SLC9A1: variants seen among roughly 807,000 people sequenced by gnomAD.
SLC9A1 encodes sodium/hydrogen exchanger 1.
SLC9A1 carries 22 observed loss-of-function variants against 67.9 expected under a neutral mutation model. That is an observed-to-expected ratio of 0.32 (90% CI 0.23 to 0.46). SLC9A1 has a LOEUF of 0.46. SLC9A1 is among the 20% of genes least tolerant of loss of function. The probability of loss-of-function intolerance (pLI) is 1.00; values close to 1 mark genes in which losing one functional copy is unlikely to be tolerated. For synonymous variants in SLC9A1, 421 were observed against 471.8 expected, an observed-to-expected ratio of 0.89 and a Z score of 1.40; for missense variants, 686 against 1,094.8, an observed-to-expected ratio of 0.63 and a Z score of 5.27.
At chr1:27,147,446 G>A (rs1361838342) in intron 1 of SLC9A1, among the ~76,000 whole-genome samples, 1 of 151,558 alleles carries the variant, frequency 6.6e-6, no homozygotes, top group African/African-American at 2.4e-5. Context: ...AGCCGAGATC[G>A]CCTCACTGCA....
chr1:27,103,440 C>T (rs2083161997), intron 5 of SLC9A1, 128 bp from the exon 6 acceptor site: 3 of 737,184 alleles, frequency 4.1e-6, no homozygotes, highest in Non-Finnish European at 2.5e-6. Flanking sequence ...TCCCAGGACC[C>T]AAGGGTGTGA....
intron 1 of SLC9A1, among the ~76,000 whole-genome samples, chr1:27,131,200 C>T (rs1209573850): frequency 6.6e-6 from 1 of 152,202 alleles, no homozygotes; most frequent in Non-Finnish European, 1.5e-5. Context: ...AGAATTCAGG[C>T]AAGAGCCGTG....
Position 27,121,545 on chromosome 1 carries a change from G to T in SLC9A1, c.353-7259C>A, listed in dbSNP as rs530638830. 2.6e-4 allele frequency among the ~76,000 whole-genome samples: 39 copies of T among 152,216 alleles called. 1 individual carries two copies. Among genetic ancestry groups the T allele is most frequent in the Non-Finnish European group, 4.4e-4 (30 of 68,040 alleles). ...CTGGGGGGCCTGGGCGGCCCCTGGAGTAATAAGCAGCGATTGAGCCAGCAG... is the reference window on the plus strand; with the variant it reads ...CTGGGGGGCCTGGGCGGCCCCTGGATTAATAAGCAGCGATTGAGCCAGCAG... On this transcript the variant is annotated intron_variant, in intron 1 of 11. Coordinates refer to ENST00000263980, the MANE Select transcript of SLC9A1 (RefSeq NM_003047.5).
intron 1 of SLC9A1, among the ~76,000 whole-genome samples, chr1:27,119,975 G>A (rs1287556381): frequency 6.6e-6 from 1 of 151,960 alleles, no homozygotes; most frequent in Admixed American, 6.6e-5. Flanking sequence ...TCTCCAGGAA[G>A]CTCTCCTAAG....
chr1:27,102,821 C>CT, intron 6 of SLC9A1, 78 bp from the exon 7 acceptor site: 1 of 1,266,416 alleles, frequency 7.9e-7, no homozygotes, highest in South Asian at 1.2e-5. Flanking sequence ...GCCCCACTCC[C>CT]TCCCGTAGCT....
intron 1 of SLC9A1, among the ~76,000 whole-genome samples, chr1:27,121,688 C>T (rs1248115426): frequency 6.6e-6 from 1 of 152,148 alleles, no homozygotes; most frequent in Non-Finnish European, 1.5e-5. Flanking sequence ...TGCATAGCCT[C>T]TCCCTCTCTC....
chr1:27,102,891 T>C (rs1008568540), intron 6 of SLC9A1, 148 bp from the exon 7 acceptor site: 10 of 708,752 alleles, frequency 1.4e-5, no homozygotes, highest in Non-Finnish European at 2.4e-5. Flanking sequence ...GCGCCCACAC[T>C]CCACTCATCG....
Position 27,101,113 on chromosome 1 carries a change from CAGTGGCTG to C in SLC9A1, c.2110+82_2110+89del. The C allele has an allele frequency of 1.0e-6, 1 of 989,516 alleles. No individual in the cohort carries two copies. The highest frequency in any genetic ancestry group is 1.5e-6 in the Non-Finnish European group (1 of 648,128). The allele number at this position is 989,516 out of a possible 1,614,324, so 61.3% of individuals were successfully genotyped here. A position where few individuals can be genotyped will look rare whatever the true frequency, so the allele number is the denominator to read the frequency against. ...TCAGCGAGGGCCAGGCCTGTCCTCCCAGTGGCTGAGGACTGTTCCTGTGGAGCCCCATC... is the reference window on the plus strand; with the variant it reads ...TCAGCGAGGGCCAGGCCTGTCCTCCCAGGACTGTTCCTGTGGAGCCCCATC... On this transcript the variant is annotated intron_variant, in intron 11 of 11. Coordinates refer to ENST00000263980, the MANE Select transcript of SLC9A1 (RefSeq NM_003047.5). This position sits in a 1 kb window ranked among gnomAD's most constrained non-coding sequence, Gnocchi z 4.9.
rs1553176402 is a variant in SLC9A1 at position 27,118,948 on chromosome 1, C to CT, written c.353-4663dup. On this transcript the variant is annotated intron_variant, in intron 1 of 11. Transcript: ENST00000263980. This position sits in a 1 kb window ranked among gnomAD's most constrained non-coding sequence, Gnocchi z 4.3. ...CAAGCACAGCCACAGGCCAAACCCT[C>CT]TGACACAGTTCAGAGTTGGCGCTCC... is the stretch of plus-strand genomic sequence containing the variant. Among the ~76,000 whole-genome samples, 3 of 152,032 alleles carry CT rather than the reference C, an allele frequency of 2.0e-5. No individual in the cohort carries two copies. The highest frequency in any genetic ancestry group is 4.4e-5 in the Non-Finnish European group (3 of 68,026).
rs1442236263 is a variant in SLC9A1, at chr1:27,106,003, C to T, written c.1367G>A (p.Gly456Asp). 2 of 1,613,484 alleles carry T rather than the reference C, an allele frequency of 1.2e-6. No individual in the cohort carries two copies. The highest frequency in any genetic ancestry group is 1.7e-6 in the Non-Finnish European group (2 of 1,179,846). ...PKDQFIIAYG[G>D]LRGAIAFSLG... The stretch of plus-strand genomic sequence containing the variant: ...AGAGAAGGCGATGGCCCCTCGCAGG[C>T]CCCCATAGGCGATGATGAACTGGTC... Residue 456 changes from glycine (G) to aspartate (D), a missense_variant, in exon 5 of 12, where the codon GGC (glycine) becomes GAC (aspartate). Around this residue, in one of 7 missense-constraint regions of SLC9A1, gnomAD observed 168 missense variants for 375.4 expected, o/e 0.45. Coordinates refer to ENST00000263980, the MANE Select transcript of SLC9A1 (RefSeq NM_003047.5). This position sits in a 1 kb window ranked among gnomAD's most constrained non-coding sequence, Gnocchi z 4.3.
Position 27,100,237 on chromosome 1 carries a change from G to A in SLC9A1, c.*70C>T. The A allele has an allele frequency of 3.3e-6, 4 of 1,212,456 alleles. No homozygotes were observed. The highest frequency in any genetic ancestry group is 4.5e-6 in the Non-Finnish European group (4 of 887,630). The allele number at this position is 1,212,456 out of a possible 1,614,324, so 75.1% of individuals were successfully genotyped here. On this transcript the variant is annotated 3_prime_UTR_variant, in exon 12 of 12. Coordinates refer to ENST00000263980, the MANE Select transcript of SLC9A1 (RefSeq NM_003047.5). The surrounding 1 kb of genome is among the most constrained non-coding windows in gnomAD (Gnocchi z 5.6). ...CAATCCGGGTCAGGAAGGGCAAGGG[G>A]AGCCCCCAGCAGCCCCTGCTCTGGT...
At chr1:27,146,988 T>C (rs950118601) in intron 1 of SLC9A1, among the ~76,000 whole-genome samples, 1 of 148,800 alleles carries the variant, frequency 6.7e-6, no homozygotes, top group African/African-American at 2.5e-5. Flanking sequence ...ATACAAAAAT[T>C]AGGCCGGGCG....
In SLC9A1 at chr1:27,107,638, T is replaced by G; in HGVS notation, c.1282+10A>C. 8.9e-7 allele frequency: 1 copy of G among 1,125,890 alleles called. No individual in the cohort carries two copies. Among genetic ancestry groups the G allele is most frequent in the Non-Finnish European group, 1.2e-6 (1 of 824,096 alleles). The allele number at this position is 1,125,890 out of a possible 1,614,324, so 69.7% of individuals were successfully genotyped here. On this transcript the variant is annotated intron_variant, in intron 4 of 11. Transcript: ENST00000263980. ...CACAACCCCCACCCCGCCCCAGCCCTGGCCCTCACCCAGCACGCGGGCGAT... is the reference window on the plus strand; with the variant it reads ...CACAACCCCCACCCCGCCCCAGCCCGGGCCCTCACCCAGCACGCGGGCGAT...
Position 27,102,387 on chromosome 1 carries a change from C to T in SLC9A1, c.1818G>A (p.Met606Ile). The T allele has an allele frequency of 6.3e-7, 1 of 1,586,786 alleles. No individual in the cohort carries two copies. The highest frequency in any genetic ancestry group is 8.6e-7 in the Non-Finnish European group (1 of 1,161,190). ...KIPSAVSTVS[M>I]QNIHPKSLPS... ...TGCCTGGTTGCCCCAGCACTCACTG[C>T]ATGGAGACGGTGGAGACGGCAGAGG... Residue 606 changes from methionine to isoleucine, a missense_variant and splice_region_variant, in exon 8 of 12, where the codon ATG becomes ATA. Met to Ile is a conservative substitution (Grantham distance 10). Coordinates refer to ENST00000263980, the MANE Select transcript of SLC9A1 (RefSeq NM_003047.5).
intron 5 of SLC9A1, 159 bp from the exon 6 acceptor site, chr1:27,103,471 A>G: frequency 6.2e-6 from 4 of 643,290 alleles, no homozygotes; most frequent in Non-Finnish European, 8.5e-6. Flanking sequence ...ACCTCCCAGC[A>G]CTTATCTAAA....
At chr1:27,144,419 G>A (rs1464209603) in intron 1 of SLC9A1, among the ~76,000 whole-genome samples, 3 of 152,206 alleles carry the variant, frequency 2.0e-5, no homozygotes, top group Admixed American at 6.5e-5. Flanking sequence ...CTCCATTAGA[G>A]CCAAGCCGAG....
At chr1:27,143,682 C>T (rs547986014) in intron 1 of SLC9A1, among the ~76,000 whole-genome samples, 10 of 152,258 alleles carry the variant, frequency 6.6e-5, no homozygotes, top group African/African-American at 2.2e-4. Flanking sequence ...AAGATGAAAT[C>T]GACAGATAGG....
chr1:27,132,524 G>C (rs2083392925), intron 1 of SLC9A1, among the ~76,000 whole-genome samples: 1 of 152,084 alleles, frequency 6.6e-6, no homozygotes, highest in African/African-American at 2.4e-5. Context: ...TGGACATCAG[G>C]GTCTTTATTT....
chr1:27,105,862 C>T (rs765154343), intron 5 of SLC9A1, 23 bp downstream of exon 5: 5 of 1,604,324 alleles, frequency 3.1e-6, no homozygotes, highest in African/African-American at 1.3e-5. Flanking sequence ...AAGGCAAGGG[C>T]CTGCCCTGCC....
Sources: allele counts gnomAD v4.1 joint callset (sites outside exome capture counted in the v4.1 genomes callset), GRCh38; gene constraint gnomAD v4.1.1; regional missense constraint gnomAD v4.1.1; non-coding constraint Gnocchi (gnomAD v3.1); transcripts MANE v1.5; gene names NCBI Gene and HGNC (gene_info 2026-07-23, HGNC 2026-07-21).